The following COPG2 variants were observed in gnomAD, a reference collection of about 807,000 sequenced individuals.
The protein encoded by COPG2 is coat protein complex I subunit gamma 2.
Under a neutral mutation model 46.3 loss-of-function variants are expected in COPG2, and 37 were observed. The ratio of observed to expected loss-of-function variants is 0.80; its 90% CI spans 0.61 to 1.05. The LOEUF is 1.05. Ranked by LOEUF, COPG2 falls within the 50% of genes least tolerant of loss-of-function variation. The probability of loss-of-function intolerance (pLI) is 0.00; values close to 1 mark genes in which losing one functional copy is unlikely to be tolerated. For synonymous variants in COPG2, 159 were observed against 129.7 expected (o/e 1.23, Z -1.53); for missense variants, 427 against 387.8 (o/e 1.10, Z -0.85).
chr7:130,526,022 C>CT (rs1799771100), intron 20 of COPG2, among the ~76,000 whole-genome samples: 1 of 151,788 alleles, frequency 6.6e-6, no homozygotes, highest in African/African-American at 2.4e-5. Flanking sequence ...CATCAGCTCA[C>CT]TGGGGCCGCA....
At chr7:130,591,485 C>A (rs1173432889) in intron 9 of COPG2, among the ~76,000 whole-genome samples, 1 of 85,528 alleles carries the variant, frequency 1.2e-5, no homozygotes, top group African/African-American at 4.7e-5. Flanking sequence ...GGGGGTCAGC[C>A]CCCCCGCCCG....
In COPG2 at chr7:130,585,700, C is replaced by T. The variant is rs549798666; in HGVS notation, c.738-21307G>A. ...CAAAAGAAGATATACAAATGAGCAA[C>T]GAACATATAAAAAAATGCTCAACAT... is the stretch of plus-strand genomic sequence containing the variant. On this transcript the variant is annotated intron_variant, in intron 9 of 23. Coordinates refer to ENST00000425248, the MANE Select transcript of COPG2 (RefSeq NM_012133.6). Among the ~76,000 whole-genome samples, 9 of 151,962 alleles carry T rather than the reference C, an allele frequency of 5.9e-5. No individual in the cohort carries two copies. In the South Asian group the frequency reaches 1.0e-3, roughly 18 times the overall value.
intron 9 of COPG2, among the ~76,000 whole-genome samples, chr7:130,586,768 T>C (rs1331578298): frequency 1.3e-5 from 2 of 151,990 alleles, no homozygotes; most frequent in African/African-American, 2.4e-5. Context: ...AGCCAACTTA[T>C]GGAAAAATTT....
chr7:130,542,221 G>C (rs1793341494), intron 20 of COPG2, among the ~76,000 whole-genome samples: 1 of 148,294 alleles, frequency 6.7e-6, no homozygotes, highest in Admixed American at 6.6e-5. Flanking sequence ...GTTTGATGCA[G>C]GTCATGGAGG....
intron 20 of COPG2, chr7:130,511,782 T>C (rs1051514884): frequency 5.8e-6 from 3 of 519,236 alleles, no homozygotes; most frequent in Non-Finnish European, 7.7e-6. Context: ...GTCGGCTGCA[T>C]GGGAAATACA....
chr7:130,624,263 G>C (rs2116528945), intron 5 of COPG2, among the ~76,000 whole-genome samples: 1 of 152,254 alleles, frequency 6.6e-6, no homozygotes, highest in South Asian at 2.1e-4. Context: ...CAAACATTCA[G>C]ACAAGAGTAA....
At position 130,513,916 on chromosome 7, in the gene COPG2, G is replaced by A. The variant is rs556453171; in HGVS notation, c.2150-5257C>T. On this transcript the variant is annotated intron_variant, in intron 20 of 23. Transcript: ENST00000425248. ...GAAGATTGGCAGGTATTGACTGGAG[G>A]GATACGGCCCCATAAGTGTAAGATT... is the stretch of plus-strand genomic sequence containing the variant. Among the ~76,000 whole-genome samples, 56 of 152,278 alleles carry A rather than the reference G, an allele frequency of 3.7e-4. 1 individual carries two copies. In the South Asian group the frequency reaches 0.011, roughly 30 times the overall value.
intron 20 of COPG2, 76 bp downstream of exon 20, chr7:130,547,598 A>G (rs1793465060): frequency 2.5e-6 from 1 of 398,382 alleles, no homozygotes; most frequent in African/African-American, 2.1e-5. Context: ...TCTTAAACTG[A>G]GCATTTGAAG....
rs528740359 is a variant in COPG2, at chr7:130,623,137, T to G, written c.324-6072A>C. Reference sequence around the variant, plus strand: ...CAACGTGTCACTCAGAAATATATAATCCTGAAGTGTGGGGTATTTCTGTGC... The same window carrying G: ...CAACGTGTCACTCAGAAATATATAAGCCTGAAGTGTGGGGTATTTCTGTGC... On this transcript the variant is annotated intron_variant, in intron 5 of 23. Coordinates refer to ENST00000425248, the MANE Select transcript of COPG2 (RefSeq NM_012133.6). Among the ~76,000 whole-genome samples, 19 of 152,146 alleles carry G rather than the reference T, an allele frequency of 1.2e-4. No individual in the cohort carries two copies. The East Asian group carries it at 3.7e-3, about 29-fold the overall frequency.
chr7:130,526,059 T>C (rs914367494), intron 20 of COPG2, among the ~76,000 whole-genome samples: 25 of 148,426 alleles, frequency 1.7e-4, no homozygotes, highest in African/African-American at 6.0e-4. Context: ...ATAAAGGAGG[T>C]GAGGAAAGGA....
At chr7:130,565,163 C>A (rs924991349) in intron 9 of COPG2, among the ~76,000 whole-genome samples, 2 of 152,216 alleles carry the variant, frequency 1.3e-5, no homozygotes, top group East Asian at 1.9e-4. Flanking sequence ...CGCTCTCTAA[C>A]CTTTGCTTGA....
At chr7:130,628,821 G>A (rs577225161) in intron 5 of COPG2, among the ~76,000 whole-genome samples, 1 of 152,268 alleles carries the variant, frequency 6.6e-6, no homozygotes, top group South Asian at 2.1e-4. Context: ...GAGGCAGGAG[G>A]ATCACTTGAT....
intron 16 of COPG2, 46 bp from the exon 17 acceptor site, chr7:130,550,695 C>A: frequency 2.5e-6 from 1 of 393,220 alleles, no homozygotes; most frequent in South Asian, 1.3e-4. Flanking sequence ...CTTGCCAATC[C>A]TCGAATCCAA....
chr7:130,575,849 CAT>C (rs1394000689), intron 9 of COPG2, among the ~76,000 whole-genome samples: 1 of 152,098 alleles, frequency 6.6e-6, no homozygotes, highest in Non-Finnish European at 1.5e-5. Context: ...CACATACTCT[CAT>C]AAAGTACAGG....
At chr7:130,514,723 G>A (rs1231578844) in intron 20 of COPG2, among the ~76,000 whole-genome samples, 1 of 152,204 alleles carries the variant, frequency 6.6e-6, no homozygotes, top group Non-Finnish European at 1.5e-5. Context: ...GGACTGACTG[G>A]AGAGACAGTC....
At chr7:130,598,516 C>T (rs1466860126) in intron 9 of COPG2, among the ~76,000 whole-genome samples, 3 of 152,146 alleles carry the variant, frequency 2.0e-5, no homozygotes, top group Non-Finnish European at 2.9e-5. Context: ...CCCAGGAAAC[C>T]GGATCTTGTC....
rs1554452459 is a variant in COPG2 at position 130,613,564 on chromosome 7, A to C, written c.472T>G (p.Ser158Ala). Residue 158 changes from serine to alanine, a missense_variant, in exon 7 of 24, where the codon TCA becomes GCA. Physicochemically the swap from Ser to Ala is moderately conservative, Grantham distance 99. Coordinates refer to ENST00000425248, the MANE Select transcript of COPG2 (RefSeq NM_012133.6). ...CTTACCAGGGAAGATACCAGTGCTG[A>C]ACTGGATACACTGGAAACTTTATCC... ...IVDKVSSVSS[S>A]ALVSSLHMMK... is the part of the protein sequence containing the mutation. The C allele has an allele frequency of 1.3e-6, 2 of 1,594,442 alleles. No homozygotes were observed. The highest frequency in any genetic ancestry group is 1.3e-5 in the African/African-American group (1 of 74,692).
chr7:130,658,066 T>C (rs1584616032), intron 4 of COPG2, among the ~76,000 whole-genome samples: 4 of 152,164 alleles, frequency 2.6e-5, no homozygotes, highest in Admixed American at 2.0e-4. Flanking sequence ...GAAATAAAAA[T>C]GTATGTTCAT....
In COPG2 at chr7:130,611,021, G is replaced by C. The variant is rs782676179; in HGVS notation, c.669C>G (p.Leu223=). The C allele has an allele frequency of 2.4e-5, 39 of 1,613,784 alleles. No homozygotes were observed. The highest frequency in any genetic ancestry group is 3.3e-5 in the Non-Finnish European group (39 of 1,179,862). The change falls in exon 9 of 24, where the codon CTC becomes CTG. Residue 223 remains leucine, a synonymous_variant. Transcript: ENST00000425248. The part of the protein sequence containing the change: ...KMLNKFTKSG[L]KSQFAYCMLI... ...GCATGCAGTAAGCAAACTGTGACTT[G>C]AGACCAGATTTAGTAAACTTATTCA...
Sources: gnomAD v4.1 joint callset for allele counts (sites outside exome capture counted in the v4.1 genomes callset) on GRCh38, gnomAD v4.1.1 for gene constraint, MANE v1.5 for transcripts, NCBI Gene and HGNC (gene_info 2026-07-23, HGNC 2026-07-21) for gene names.